The following ORC5 variants were observed in gnomAD, a reference collection of about 807,000 sequenced individuals.
The protein encoded by ORC5 is protein phosphatase 1, regulatory subunit 117.
In ORC5, 39 loss-of-function variants were observed where a neutral mutation model predicts 58.8. The observed-to-expected ratio is 0.66, with a 90% confidence interval of 0.51 to 0.87. ORC5 has a LOEUF of 0.87. ORC5 is among the 40% of genes least tolerant of loss of function. ORC5 has a pLI of 0.00. For synonymous variants in ORC5, 218 were observed against 177.6 expected, an observed-to-expected ratio of 1.23 and a Z score of -1.81; for missense variants, 493 against 506.3, an observed-to-expected ratio of 0.97 and a Z score of 0.25.
At chr7:104,154,286 C>CT (rs1408716860) in intron 12 of ORC5, among the ~76,000 whole-genome samples, 2 of 151,964 alleles carry the variant, frequency 1.3e-5, no homozygotes, top group African/African-American at 4.8e-5. Context: ...GCTTCAAACA[C>CT]TAAGTTCAAG....
chr7:104,158,070 A>G (rs1798957837), intron 12 of ORC5, among the ~76,000 whole-genome samples: 1 of 152,168 alleles, frequency 6.6e-6, no homozygotes, highest in African/African-American at 2.4e-5. Flanking sequence ...TCACTTATGT[A>G]AATGAGAAAT....
intron 12 of ORC5, among the ~76,000 whole-genome samples, chr7:104,155,494 T>C (rs192772155): frequency 5.3e-5 from 8 of 151,528 alleles, no homozygotes; most frequent in Non-Finnish European, 5.9e-5. Context: ...ATACATTATT[T>C]TATAATATAG....
At chr7:104,204,118 A>C (rs1427851563) in intron 2 of ORC5, 24 bp downstream of exon 2, 2 of 1,328,166 alleles carry the variant, frequency 1.5e-6, no homozygotes, top group African/African-American at 2.9e-5. Flanking sequence ...ATGGCAAAGA[A>C]ATATTTAATA....
At chr7:104,151,994 T>G (rs901062077) in intron 12 of ORC5, among the ~76,000 whole-genome samples, 1 of 152,166 alleles carries the variant, frequency 6.6e-6, no homozygotes, top group African/African-American at 2.4e-5. Context: ...AAGAGTCTTC[T>G]CTGAAGCACC....
intron 12 of ORC5, among the ~76,000 whole-genome samples, chr7:104,137,282 AAC>A (rs1562803188): frequency 6.6e-6 from 1 of 151,808 alleles, no homozygotes. Flanking sequence ...AAAAAAAAAA[AAC>A]AATTTTTTAT....
rs1001912416 is a variant in ORC5, at chr7:104,144,172, A to C, written c.1150-7279T>G. Among the ~76,000 whole-genome samples the C allele has an allele frequency of 4.6e-5, 7 of 152,312 alleles. No homozygotes were observed. The East Asian group carries it at 1.2e-3, about 25-fold the overall frequency. On this transcript the variant is annotated intron_variant, in intron 12 of 13. Coordinates refer to ENST00000297431, the MANE Select transcript of ORC5 (RefSeq NM_002553.4). ...GTGAACAAATGTACCAAATATTTAA[A>C]GGTACTTTCCCAGTTTATTAAAATT...
intron 8 of ORC5, among the ~76,000 whole-genome samples, chr7:104,172,122 C>T (rs1799223494): frequency 6.6e-6 from 1 of 152,144 alleles, no homozygotes; most frequent in Non-Finnish European, 1.5e-5. Context: ...TACTTCACTA[C>T]TGGTATATAA....
rs757779882 is a variant in ORC5 at position 104,183,953 on chromosome 7, C to G, written c.814G>C (p.Glu272Gln). Residue 272 changes from glutamate to glutamine, a missense_variant, in exon 8 of 14, where the codon GAA (glutamate) becomes CAA (glutamine). Coordinates refer to ENST00000297431, the MANE Select transcript of ORC5 (RefSeq NM_002553.4). ...KKAMQTVYLR[E>Q]ISSSQWEKLQ... ...TAAATAGAAAATTACCTTGATATTTCCCTGAGATAAACAGTCTGCATAGCT... is the reference window on the plus strand; with the variant it reads ...TAAATAGAAAATTACCTTGATATTTGCCTGAGATAAACAGTCTGCATAGCT... 1.2e-6 allele frequency: 2 copies of G among 1,606,666 alleles called. No homozygotes were observed. Among genetic ancestry groups the G allele is most frequent in the Non-Finnish European group, 1.7e-6 (2 of 1,175,164 alleles).
intron 12 of ORC5, among the ~76,000 whole-genome samples, chr7:104,158,228 T>C (rs1156295062): frequency 6.6e-6 from 1 of 152,058 alleles, no homozygotes; most frequent in Non-Finnish European, 1.5e-5. Flanking sequence ...TTTACAGCCT[T>C]AAGAAAGTAT....
At chr7:104,166,538 A>T (rs901961188) in intron 10 of ORC5, among the ~76,000 whole-genome samples, 1 of 152,186 alleles carries the variant, frequency 6.6e-6, no homozygotes, top group Admixed American at 6.5e-5. Flanking sequence ...GTATTTTTTA[A>T]ATCTGAATTA....
intron 13 of ORC5, among the ~76,000 whole-genome samples, chr7:104,132,107 G>A (rs1798521130): frequency 1.3e-5 from 2 of 152,042 alleles, no homozygotes; most frequent in East Asian, 3.9e-4. Flanking sequence ...ACTACAATAT[G>A]ACTTCTACTT....
Position 104,168,490 on chromosome 7 carries a change from T to A in ORC5, c.860A>T (p.Asp287Val), listed in dbSNP as rs772323810. Residue 287 changes from aspartate to valine, a missense_variant, in exon 9 of 14, where the codon GAT becomes GTT. Coordinates refer to ENST00000297431, the MANE Select transcript of ORC5 (RefSeq NM_002553.4). ...QWEKLQKDDTDPGQLKGLSAH... is the reference protein window; with the variant it reads ...QWEKLQKDDTVPGQLKGLSAH... Reference sequence around the variant, plus strand: ...TCTGATACCTTTCAGTTGCCCCGGATCTGTGTCATCTTTCTGTAGCTTTTC... The same window carrying A: ...TCTGATACCTTTCAGTTGCCCCGGAACTGTGTCATCTTTCTGTAGCTTTTC... 29 of 1,594,368 alleles carry A rather than the reference T, an allele frequency of 1.8e-5. No homozygotes were observed. Among genetic ancestry groups the A allele is most frequent in the Non-Finnish European group, 2.4e-5 (28 of 1,172,528 alleles).
rs539334996 is a variant in ORC5, at chr7:104,199,026, G to A, written c.367-1227C>T. Among the ~76,000 whole-genome samples, 9 of 152,346 alleles carry A rather than the reference G, an allele frequency of 5.9e-5. 1 individual carries two copies. Among genetic ancestry groups the A allele is most frequent in the African/African-American group, 1.9e-4 (8 of 41,584 alleles). ...AGGTGCACAGCAATCAAGAATTAAC[G>A]TTTGGGAACCTCTGCCTAGATTTCA... On this transcript the variant is annotated intron_variant, in intron 3 of 13. Coordinates refer to ENST00000297431, the MANE Select transcript of ORC5 (RefSeq NM_002553.4).
At chr7:104,144,585 G>C (rs901424511) in intron 12 of ORC5, among the ~76,000 whole-genome samples, 2 of 152,166 alleles carry the variant, frequency 1.3e-5, no homozygotes, top group South Asian at 4.2e-4. Flanking sequence ...GCAAAAACCC[G>C]TCTTTACTAA....
At chr7:104,160,792 A>T (rs1204846470) in intron 12 of ORC5, among the ~76,000 whole-genome samples, 1 of 152,162 alleles carries the variant, frequency 6.6e-6, no homozygotes, top group Non-Finnish European at 1.5e-5. Context: ...TTTAATTAGC[A>T]AGATAATTAT....
chr7:104,157,762 T>A (rs759984969), intron 12 of ORC5, among the ~76,000 whole-genome samples: 1 of 152,100 alleles, frequency 6.6e-6, no homozygotes, highest in Non-Finnish European at 1.5e-5. Flanking sequence ...AAGAACAATA[T>A]GTAAGGTACC....
chr7:104,155,326 T>C (rs1798906576), intron 12 of ORC5, among the ~76,000 whole-genome samples: 1 of 151,656 alleles, frequency 6.6e-6, no homozygotes, highest in African/African-American at 2.4e-5. Context: ...AAAAACACTC[T>C]AAATTTTTTA....
intron 5 of ORC5, among the ~76,000 whole-genome samples, chr7:104,191,655 A>G (rs1394648175): frequency 6.6e-6 from 1 of 151,844 alleles, no homozygotes; most frequent in Non-Finnish European, 1.5e-5. Context: ...CAAAAATCTC[A>G]GAGTATAATT....
At chr7:104,199,184 G>GA (rs1799873578) in intron 3 of ORC5, among the ~76,000 whole-genome samples, 1 of 151,976 alleles carries the variant, frequency 6.6e-6, no homozygotes, top group Admixed American at 6.6e-5. Context: ...TCCCCACTGG[G>GA]CACTGCCTAG....
Sources: gnomAD v4.1 joint callset for allele counts (sites outside exome capture counted in the v4.1 genomes callset) on GRCh38, gnomAD v4.1.1 for gene constraint, MANE v1.5 for transcripts, NCBI Gene and HGNC (gene_info 2026-07-23, HGNC 2026-07-21) for gene names.